The following ZZZ3 variants were observed in gnomAD, a reference collection of about 807,000 sequenced individuals.
The protein encoded by ZZZ3 is zinc finger ZZ-type containing 3, also known as ZZ-type zinc finger-containing protein 3.
Under a neutral mutation model 95.2 loss-of-function variants are expected in ZZZ3, and 22 were observed. The observed-to-expected ratio is 0.23, with a 90% CI of 0.17 to 0.33. The LOEUF (loss-of-function observed/expected upper bound fraction) is 0.33. Ranked by LOEUF, ZZZ3 falls within the 10% of genes least tolerant of loss-of-function variation. ZZZ3 has a pLI of 1.00. For missense variants in ZZZ3, 885 were observed against 1,066.5 expected (o/e 0.83, Z 2.37); for synonymous variants, 335 against 358.9 (o/e 0.93, Z 0.75).
chr1:77,618,369 C>T (rs1016006959), intron 5 of ZZZ3, among the ~76,000 whole-genome samples: 3 of 148,738 alleles, frequency 2.0e-5, no homozygotes, highest in East Asian at 2.0e-4. Context: ...GAGACTGTGA[C>T]GAGGCTCTGG....
At chr1:77,566,553 G>A (rs1428840341) in intron 13 of ZZZ3, among the ~76,000 whole-genome samples, 3 of 152,186 alleles carry the variant, frequency 2.0e-5, no homozygotes, top group Non-Finnish European at 4.4e-5. Context: ...GAAACAGAGA[G>A]TTAATACCAT....
Position 77,565,281 on chromosome 1 carries a change from T to C in ZZZ3, c.*359A>G, listed in dbSNP as rs1660719311. 1 of 170,694 alleles carries C rather than the reference T, an allele frequency of 5.9e-6. No homozygotes were observed. 10.6% of individuals were successfully genotyped at this position (170,694 alleles called of 1,614,324 possible). A position where few individuals can be genotyped will look rare whatever the true frequency, so the allele number is the denominator to read the frequency against. On this transcript the variant is annotated 3_prime_UTR_variant, in exon 15 of 15. Transcript: ENST00000370801. ...ACTGAAGGCTACTAAACTGTTTTAA[T>C]ATAAATACTTTGTCTTCTCATTATC...
rs376586003 is a variant in ZZZ3, at chr1:77,635,411, G to A, written c.-51-2006C>T. ...AGTACAAGACACAAATCAGAACTTA[G>A]AAACACATTTCTTACAGTAGTAAAC... On this transcript the variant is annotated intron_variant, in intron 4 of 14. Transcript: ENST00000370801. Among the ~76,000 whole-genome samples, 10 of 152,230 alleles carry A rather than the reference G, an allele frequency of 6.6e-5. No individual in the cohort carries two copies. The East Asian group carries it at 1.2e-3, about 18-fold the overall frequency.
intron 5 of ZZZ3, among the ~76,000 whole-genome samples, chr1:77,591,180 T>G (rs1193153001): frequency 6.6e-6 from 1 of 152,148 alleles, no homozygotes; most frequent in Non-Finnish European, 1.5e-5. Context: ...GCACGCAAAA[T>G]TTTAAAAATT....
intron 5 of ZZZ3, among the ~76,000 whole-genome samples, chr1:77,597,885 A>T (rs781589549): frequency 2.0e-5 from 3 of 152,146 alleles, no homozygotes; most frequent in Non-Finnish European, 4.4e-5. Flanking sequence ...AGTTAATAAC[A>T]ATGTTGATTC....
chr1:77,575,936 C>T, intron 12 of ZZZ3, 132 bp downstream of exon 12: 2 of 662,782 alleles, frequency 3.0e-6, no homozygotes, highest in Non-Finnish European at 4.6e-6. Flanking sequence ...CACAAAAGTA[C>T]ATTACTTAAA....
chr1:77,683,349 G>C (rs557734194), upstream of ZZZ3: 1 of 152,084 alleles, frequency 6.6e-6, no homozygotes, highest in South Asian at 2.1e-4. Flanking sequence ...ACTTGCTCGG[G>C]TGGCCACCGC....
intron 5 of ZZZ3, among the ~76,000 whole-genome samples, chr1:77,596,814 T>C (rs1261477251): frequency 6.6e-6 from 1 of 152,076 alleles, no homozygotes; most frequent in Non-Finnish European, 1.5e-5. Context: ...AGTGGAATTG[T>C]ACAGATAAAC....
chr1:77,623,020 T>C (rs1246398131), intron 5 of ZZZ3, among the ~76,000 whole-genome samples: 1 of 152,146 alleles, frequency 6.6e-6, no homozygotes, highest in Non-Finnish European at 1.5e-5. Flanking sequence ...ACAGAGTAAC[T>C]GACACAGAAT....
chr1:77,676,067 T>C (rs999926774), intron 1 of ZZZ3, among the ~76,000 whole-genome samples: 1 of 152,242 alleles, frequency 6.6e-6, no homozygotes, highest in African/African-American at 2.4e-5. Context: ...TTTAACACTT[T>C]AAGCATACAT....
intron 12 of ZZZ3, among the ~76,000 whole-genome samples, chr1:77,569,117 A>G (rs908822233): frequency 1.3e-5 from 2 of 152,234 alleles, no homozygotes; most frequent in African/African-American, 4.8e-5. Flanking sequence ...TGGACGGATC[A>G]CTTTAGGTCA....
At chr1:77,571,344 C>T (rs6694137) in intron 12 of ZZZ3, among the ~76,000 whole-genome samples, 2,671 of 152,078 alleles carry the variant, frequency 0.018, 82 homozygotes, top group African/African-American at 0.061. Context: ...AATCCTTATG[C>T]ACTGTTGGTG....
chr1:77,583,599 TAACAC>T (rs1421620414), intron 6 of ZZZ3, among the ~76,000 whole-genome samples: 1 of 152,082 alleles, frequency 6.6e-6, no homozygotes, highest in Non-Finnish European at 1.5e-5. Context: ...AATAATAAAT[TAACAC>T]AACTAGTGAA....
chr1:77,585,388 A>C lies in ZZZ3; in HGVS notation c.1506-733T>G, dbSNP rs553569460. On this transcript the variant is annotated intron_variant, in intron 5 of 14. Transcript: ENST00000370801. ...CCTGAAATCTCACTACAATACATCT[A>C]TTCTAATATTCTCCCTCTGTTTAAA... 4.6e-5 allele frequency among the ~76,000 whole-genome samples: 7 copies of C among 152,336 alleles called. No homozygotes were observed. In the South Asian group the frequency reaches 1.4e-3, roughly 32 times the overall value.
At chr1:77,616,020 A>G (rs1666274986) in intron 5 of ZZZ3, among the ~76,000 whole-genome samples, 1 of 152,208 alleles carries the variant, frequency 6.6e-6, no homozygotes, top group South Asian at 2.1e-4. Context: ...CACACTGTGT[A>G]TAATGTTTAT....
chr1:77,584,650 T>C lies in ZZZ3; in HGVS notation c.1511A>G (p.Gln504Arg). 1 of 1,578,262 alleles carries C rather than the reference T, an allele frequency of 6.3e-7. No individual in the cohort carries two copies. The highest frequency in any genetic ancestry group is 8.6e-7 in the Non-Finnish European group (1 of 1,168,976). Reference protein sequence around the residue: ...HVALKHNKDYQRLLQTIAVLE... With the variant: ...HVALKHNKDYRRLLQTIAVLE... ...TACAGCAATCGTCTGTAATAGTCTC[T>C]GATAACTACAGAGACAAAGAAAAAT... The change falls in exon 6 of 15, where the codon CAG becomes CGG. Residue 504 changes from glutamine (Q) to arginine (R), a missense_variant. Physicochemically the swap from Gln to Arg is conservative, Grantham distance 43. Around this residue, in one of 5 missense-constraint regions of ZZZ3, gnomAD observed 556 missense variants for 652.9 expected, o/e 0.85. Transcript: ENST00000370801.
At chr1:77,674,456 C>T (rs1672073405) in intron 1 of ZZZ3, among the ~76,000 whole-genome samples, 1 of 152,016 alleles carries the variant, frequency 6.6e-6, no homozygotes, top group African/African-American at 2.4e-5. Flanking sequence ...AGGGGTGGCA[C>T]CTAGGGACCA....
chr1:77,674,672 C>T lies in ZZZ3; in HGVS notation c.-403+7913G>A, dbSNP rs527650017. On this transcript the variant is annotated intron_variant, in intron 1 of 14. Transcript: ENST00000370801. ...TTCTCCTTAGGAAAAGACACATTGG[C>T]CGGGTGCAGTGGCTCACACCTGTAA... 2.0e-5 allele frequency among the ~76,000 whole-genome samples: 3 copies of T among 152,162 alleles called. No individual in the cohort carries two copies. The South Asian group carries it at 6.2e-4, about 32-fold the overall frequency.
At chr1:77,677,246 G>A (rs1672347205) in intron 1 of ZZZ3, 1 of 152,270 alleles carries the variant, frequency 6.6e-6, no homozygotes, top group Non-Finnish European at 1.5e-5. Context: ...GCTGAGGCAG[G>A]AGAATTGCTT....
Sources: gnomAD v4.1 joint callset for allele counts (sites outside exome capture counted in the v4.1 genomes callset) on GRCh38, gnomAD v4.1.1 for gene constraint, gnomAD v4.1.1 regional missense constraint, MANE v1.5 for transcripts, NCBI Gene and HGNC (gene_info 2026-07-23, HGNC 2026-07-21) for gene names.